Variants in RNF31 observed in about 807,000 individuals in gnomAD.
RNF31 encodes ring finger protein 31, also known as E3 ubiquitin-protein ligase RNF31.
In RNF31, 38 loss-of-function variants were observed where a neutral mutation model predicts 133.6. That is an observed-to-expected ratio of 0.28 (90% CI 0.22 to 0.37). The LOEUF is 0.37. Ranked by LOEUF, RNF31 falls within the 10% of genes least tolerant of loss-of-function variation. RNF31 has a pLI of 1.00. For missense variants in RNF31, 1,118 were observed against 1,394.1 expected (o/e 0.80, Z 3.15); for synonymous variants, 582 against 552.3 (o/e 1.05, Z -0.75).
intron 18 of RNF31, 180 bp from the exon 19 acceptor site, chr14:24,159,684 A>G (rs912048252): frequency 1.4e-5 from 8 of 557,990 alleles, no homozygotes; most frequent in Admixed American, 2.8e-5. Context: ...CTGCCTCTGT[A>G]TCAGATGGTC....
rs2038244264 is a variant in RNF31, at chr14:24,150,358, A to G, written c.1107A>G (p.Leu369=). ...CTFENEAAAV[L]CSICERPRLA... ...TTGAGAATGAGGCAGCTGCTGTGCT[A>G]TGTTCCATATGTGAGCGACCTCGGC... The change falls in exon 7 of 21, where the codon CTA becomes CTG. Residue 369 remains leucine, a synonymous_variant. Transcript: ENST00000324103. The G allele has an allele frequency of 3.1e-6, 5 of 1,614,012 alleles. No individual in the cohort carries two copies. Among genetic ancestry groups the G allele is most frequent in the African/African-American group, 2.7e-5 (2 of 75,002 alleles).
At chr14:24,149,144 G>A in intron 5 of RNF31, 1 of 592,460 alleles carries the variant, frequency 1.7e-6, no homozygotes, top group East Asian at 2.9e-5. Context: ...TGTATTTTTG[G>A]TAGAGATGGG....
Position 24,159,898 on chromosome 14 carries a change from C to T in RNF31, c.2934C>T (p.Pro978=), listed in dbSNP as rs1286976781. ...GAGTGATAGAGCAGAAGGAGGTTCC[C>T]AATGGGCTCAGGGACGAAGCTTGTG... ...GCRVIEQKEV[P]NGLRDEACGK... is the part of the protein sequence containing the mutation. Residue 978 remains proline, a synonymous_variant, in exon 19 of 21, where the codon CCC becomes CCT. Coordinates refer to ENST00000324103, the MANE Select transcript of RNF31 (RefSeq NM_017999.5). The T allele has an allele frequency of 1.2e-6, 2 of 1,614,140 alleles. No homozygotes were observed. The highest frequency in any genetic ancestry group is 1.7e-5 in the Admixed American group (1 of 60,028).
intron 7 of RNF31, 67 bp from the exon 8 acceptor site, chr14:24,150,531 A>G (rs1378260275): frequency 6.3e-7 from 1 of 1,576,342 alleles, no homozygotes; most frequent in Non-Finnish European, 8.6e-7. Flanking sequence ...GTTCCTCCCA[A>G]CTCCCTGTAT....
intron 11 of RNF31, among the ~76,000 whole-genome samples, chr14:24,152,553 G>A (rs2038282240): frequency 1.3e-5 from 2 of 150,768 alleles, no homozygotes; most frequent in African/African-American, 4.9e-5. Context: ...TGAGTAGCTG[G>A]GATTACAGGC....
In RNF31 at chr14:24,151,708, G is replaced by A; in HGVS notation, c.1923+38G>A. On this transcript the variant is annotated intron_variant, in intron 10 of 20. Transcript: ENST00000324103. The surrounding 1 kb of genome is among the most constrained non-coding windows in gnomAD (Gnocchi z 5.3). ...GGCAAGAAGCCCAAGGGTCCACCTAGAGGAGCAAGAGGGAGCTGAGGGGAA... is the reference window on the plus strand; with the variant it reads ...GGCAAGAAGCCCAAGGGTCCACCTAAAGGAGCAAGAGGGAGCTGAGGGGAA... The A allele has an allele frequency of 1.2e-6, 2 of 1,604,688 alleles. No homozygotes were observed. The highest frequency in any genetic ancestry group is 1.7e-6 in the Non-Finnish European group (2 of 1,176,698).
intron 18 of RNF31, among the ~76,000 whole-genome samples, chr14:24,158,877 C>CA (rs1382490498): frequency 1.1e-4 from 17 of 150,738 alleles, no homozygotes; most frequent in East Asian, 1.9e-4. Context: ...ACTAAAAATA[C>CA]AAAAAATTAG....
chr14:24,147,498 C>G lies in RNF31; in HGVS notation c.-201C>G, dbSNP rs993503846. On this transcript the variant is annotated 5_prime_UTR_variant, in exon 1 of 21. Coordinates refer to ENST00000324103, the MANE Select transcript of RNF31 (RefSeq NM_017999.5). Reference sequence around the variant, plus strand: ...TTGGGTCGCAGTCCCACCCTCTCTCCTAGTACTTCCTGTTCTCGGCTAACC... The same window carrying G: ...TTGGGTCGCAGTCCCACCCTCTCTCGTAGTACTTCCTGTTCTCGGCTAACC... 1.6e-5 allele frequency: 7 copies of G among 448,860 alleles called. No individual in the cohort carries two copies. The highest frequency in any genetic ancestry group is 1.1e-4 in the East Asian group (3 of 26,952). The allele number at this position is 448,860 out of a possible 1,614,324, so 27.8% of individuals were successfully genotyped here. A position where few individuals can be genotyped will look rare whatever the true frequency, so the allele number is the denominator to read the frequency against.
chr14:24,146,986 C>T (rs2038175578), upstream of RNF31: 4 of 266,068 alleles, frequency 1.5e-5, no homozygotes, highest in Admixed American at 1.0e-4. Context: ...AAGTAGCGGA[C>T]GGAGAGAGAT....
At chr14:24,157,662 G>A (rs1247079632) in intron 16 of RNF31, 24 bp downstream of exon 16, 34 of 1,594,498 alleles carry the variant, frequency 2.1e-5, no homozygotes, top group Non-Finnish European at 2.3e-5. Context: ...GTTGGGGAAG[G>A]GGTGGAAGGG....
At position 24,155,817 on chromosome 14, in the gene RNF31, G is replaced by A; in HGVS notation, c.2493+125G>A. 2 of 773,006 alleles carry A rather than the reference G, an allele frequency of 2.6e-6. No individual in the cohort carries two copies. The highest frequency in any genetic ancestry group is 4.4e-6 in the Non-Finnish European group (2 of 458,104). The allele number at this position is 773,006 out of a possible 1,614,324, so 47.9% of individuals were successfully genotyped here. A position where few individuals can be genotyped will look rare whatever the true frequency, so the allele number is the denominator to read the frequency against. The stretch of plus-strand genomic sequence containing the variant: ...AGCTCTGAGGTCAAAAGAGCTTACA[G>A]ACTACTCAGAAAGACTAGGCACAAG... On this transcript the variant is annotated intron_variant, in intron 14 of 20. Coordinates refer to ENST00000324103, the MANE Select transcript of RNF31 (RefSeq NM_017999.5). This position sits in a 1 kb window ranked among gnomAD's most constrained non-coding sequence, Gnocchi z 4.9.
rs1347324463 is a variant in RNF31, at chr14:24,148,688, A to G, written c.542A>G (p.Lys181Arg). The change falls in exon 4 of 21, where the codon AAG becomes AGG. Residue 181 changes from lysine (K) to arginine (R), a missense_variant. Transcript: ENST00000324103. Reference sequence around the variant, plus strand: ...GCACTGGAGCAGCTGTTGGAAGACAAGGTTGAAGATGATGTAAGGAAGGCA... The same window carrying G: ...GCACTGGAGCAGCTGTTGGAAGACAGGGTTGAAGATGATGTAAGGAAGGCA... ...QQALEQLLED[K>R]VEDDMLQLSE... 1.9e-6 allele frequency: 3 copies of G among 1,614,208 alleles called. No homozygotes were observed. Among genetic ancestry groups the G allele is most frequent in the African/African-American group, 2.7e-5 (2 of 75,050 alleles).
Position 24,147,893 on chromosome 14 carries a change from G to A in RNF31, c.192+3G>A, listed in dbSNP as rs747200902. Reference sequence around the variant, plus strand: ...TCCGCTGCAACGCTCATGGGGAGGTGAGGCCCGGCCCCGCTTGGAAGGGGG... The same window carrying A: ...TCCGCTGCAACGCTCATGGGGAGGTAAGGCCCGGCCCCGCTTGGAAGGGGG... On this transcript the variant is annotated splice_donor_region_variant and intron_variant, in intron 1 of 20. Coordinates refer to ENST00000324103, the MANE Select transcript of RNF31 (RefSeq NM_017999.5). The A allele has an allele frequency of 1.2e-6, 2 of 1,612,098 alleles. No individual in the cohort carries two copies.
chr14:24,157,630 G>A lies in RNF31; in HGVS notation c.2719G>A (p.Ala907Thr), dbSNP rs772401706. The A allele has an allele frequency of 1.4e-5, 22 of 1,613,668 alleles. No homozygotes were observed. The South Asian group carries it at 1.5e-4, about 11-fold the overall frequency. Residue 907 changes from alanine (A) to threonine (T), a missense_variant, in exon 16 of 21, where the codon GCC becomes ACC. Physicochemically the swap from Ala to Thr is moderately conservative, Grantham distance 58. Transcript: ENST00000324103. ...FCSGCYNAFYAKNKCPEPNCR... is the reference protein window; with the variant it reads ...FCSGCYNAFYTKNKCPEPNCR... The stretch of plus-strand genomic sequence containing the variant: ...CAGCGGCTGCTACAATGCCTTTTAC[G>A]CCAAGAATGTAAGCCCAGAGAGTTG...
At chr14:24,148,538 C>T (rs950484425) in intron 3 of RNF31, 104 bp from the exon 4 acceptor site, 112 of 1,582,394 alleles carry the variant, frequency 7.1e-5, no homozygotes, top group Non-Finnish European at 8.7e-5. Context: ...CTGGGAGCTC[C>T]GGGTACTGAT....
rs1458178278 is a variant in RNF31, at chr14:24,149,399, C to T, written c.632-7C>T. 2 of 1,610,916 alleles carry T rather than the reference C, an allele frequency of 1.2e-6. No homozygotes were observed. The highest frequency in any genetic ancestry group is 1.7e-6 in the Non-Finnish European group (2 of 1,177,686). The stretch of plus-strand genomic sequence containing the variant: ...TGGAAAGATGTTCCATCTCTCCTGC[C>T]CTCCAGGCTCCACTCCTGGTCCCTG... On this transcript the variant is annotated splice_polypyrimidine_tract_variant and splice_region_variant and intron_variant, in intron 5 of 20. Transcript: ENST00000324103.
intron 11 of RNF31, among the ~76,000 whole-genome samples, chr14:24,153,917 T>C (rs780878712): frequency 6.6e-6 from 1 of 151,978 alleles, no homozygotes; most frequent in Non-Finnish European, 1.5e-5. Flanking sequence ...ATAAATTAAA[T>C]AAATAAATAA....
chr14:24,159,764 T>C lies in RNF31; in HGVS notation c.2900-100T>C, dbSNP rs945096701. On this transcript the variant is annotated intron_variant, in intron 18 of 20. Transcript: ENST00000324103. ...AGCAGGAGTTGCTGTGCTCGGTCCC[T>C]TCCTTGGAGGCTGCCTTCCCTGCCT... 3.2e-6 allele frequency: 3 copies of C among 936,086 alleles called. No individual in the cohort carries two copies. In the African/African-American group the frequency reaches 4.9e-5, roughly 15 times the overall value. The allele number at this position is 936,086 out of a possible 1,614,324, so 58.0% of individuals were successfully genotyped here.
In RNF31 at chr14:24,147,691, G is replaced by A. The variant is rs182315277; in HGVS notation, c.-8G>A. On this transcript the variant is annotated 5_prime_UTR_variant, in exon 1 of 21. Coordinates refer to ENST00000324103, the MANE Select transcript of RNF31 (RefSeq NM_017999.5). Reference sequence around the variant, plus strand: ...GGCGGCGAGGCTGGGGCTGACTCCTGCCTCAGGATGCCGGGGGAGGAAGAG... The same window carrying A: ...GGCGGCGAGGCTGGGGCTGACTCCTACCTCAGGATGCCGGGGGAGGAAGAG... 2 of 1,491,364 alleles carry A rather than the reference G, an allele frequency of 1.3e-6. No homozygotes were observed. The highest frequency in any genetic ancestry group is 1.8e-6 in the Non-Finnish European group (2 of 1,126,030). The allele number at this position is 1,491,364 out of a possible 1,614,324, so 92.4% of individuals were successfully genotyped here.
Sources: gnomAD v4.1 joint callset for allele counts (sites outside exome capture counted in the v4.1 genomes callset) on GRCh38, gnomAD v4.1.1 for gene constraint, Gnocchi (gnomAD v3.1) non-coding constraint, MANE v1.5 for transcripts, NCBI Gene and HGNC (gene_info 2026-07-23, HGNC 2026-07-21) for gene names.